RASGRF1: variants seen among roughly 807,000 people sequenced by gnomAD.
RASGRF1 encodes ras-specific guanine nucleotide-releasing factor 1.
RASGRF1 carries 40 observed loss-of-function variants against 138.7 expected under a neutral mutation model. That is an observed-to-expected ratio of 0.29 (90% CI 0.22 to 0.38). The LOEUF (loss-of-function observed/expected upper bound fraction) is 0.38, where lower values mean the gene tolerates loss of function less well. RASGRF1 is among the 10% of genes least tolerant of loss of function. The pLI, the probability that RASGRF1 is intolerant of heterozygous loss-of-function variation, is 1.00. For missense variants in RASGRF1, 1,108 were observed against 1,650.4 expected (o/e 0.67, Z 5.69); for synonymous variants, 614 against 663.2 (o/e 0.93, Z 1.14).
intron 4 of RASGRF1, among the ~76,000 whole-genome samples, chr15:79,048,599 A>G (rs929707282): frequency 6.6e-6 from 1 of 152,200 alleles, no homozygotes; most frequent in Non-Finnish European, 1.5e-5. Context: ...AATGTTAGCT[A>G]TTTCTATTCT....
Position 79,006,063 on chromosome 15 carries a change from C to T in RASGRF1, c.2075+123G>A. On this transcript the variant is annotated intron_variant, in intron 14 of 26. Transcript: ENST00000558480. This position sits in a 1 kb window ranked among gnomAD's most constrained non-coding sequence, Gnocchi z 4.0. ...GTGGCGGTGTGTGTCCCGCAGCACC[C>T]CAACACGTTACTGCTGCTCCTCCAG... 1 of 1,397,786 alleles carries T rather than the reference C, an allele frequency of 7.2e-7. No individual in the cohort carries two copies. The highest frequency in any genetic ancestry group is 9.8e-7 in the Non-Finnish European group (1 of 1,021,060). 86.6% of individuals were successfully genotyped at this position (1,397,786 alleles called of 1,614,324 possible).
At position 79,063,606 on chromosome 15, in the gene RASGRF1, A is replaced by T. The variant is rs749587255; in HGVS notation, c.383+814T>A. Among the ~76,000 whole-genome samples, 343 of 152,330 alleles carry T rather than the reference A, an allele frequency of 2.3e-3. 3 individuals are homozygous for T. The highest frequency in any genetic ancestry group is 3.4e-3 in the Non-Finnish European group (229 of 68,036). On this transcript the variant is annotated intron_variant, in intron 2 of 26. Transcript: ENST00000558480. ...TACTGGGCACTCTGTCTATGCCTTT[A>T]TCAGGCCTTGGTAATGCAAAGAATC... is the stretch of plus-strand genomic sequence containing the variant.
At chr15:79,064,373 C>G (rs746811433) in intron 2 of RASGRF1, 47 bp downstream of exon 2, 1 of 1,566,810 alleles carries the variant, frequency 6.4e-7, no homozygotes, top group African/African-American at 1.4e-5. Context: ...GTCTTTTCTG[C>G]CTGGACTGTG....
At chr15:78,962,376 T>C in intron 26 of RASGRF1, 140 bp from the exon 27 acceptor site, 1 of 607,572 alleles carries the variant, frequency 1.6e-6, no homozygotes, top group South Asian at 2.0e-5. Context: ...ATGCATTCAG[T>C]AGTGTTCCAT....
At chr15:78,999,988 C>A in intron 16 of RASGRF1, 75 bp from the exon 17 acceptor site, 1 of 1,514,292 alleles carries the variant, frequency 6.6e-7, no homozygotes, top group East Asian at 2.3e-5. Context: ...CCAGGGGTCC[C>A]GAGGCTAGAG....
chr15:78,998,027 A>C, intron 19 of RASGRF1, 69 bp downstream of exon 19: 8 of 1,390,174 alleles, frequency 5.8e-6, no homozygotes, highest in Non-Finnish European at 8.2e-6. Flanking sequence ...ACCAGCCCAC[A>C]TGGAGGCAGA....
At chr15:79,000,469 C>G (rs1398456641) in intron 16 of RASGRF1, among the ~76,000 whole-genome samples, 1 of 152,092 alleles carries the variant, frequency 6.6e-6, no homozygotes, top group Non-Finnish European at 1.5e-5. Context: ...TTTCAGTAGT[C>G]TCCTTTGAAT....
intron 26 of RASGRF1, among the ~76,000 whole-genome samples, chr15:78,970,992 G>GC (rs1192486195): frequency 1.3e-5 from 2 of 152,086 alleles, no homozygotes; most frequent in Admixed American, 6.5e-5. Flanking sequence ...TTTCTGGCAG[G>GC]CCTGATGCTA....
chr15:79,046,779 G>A lies in RASGRF1; in HGVS notation c.845C>T (p.Thr282Ile). 1 of 1,614,258 alleles carries A rather than the reference G, an allele frequency of 6.2e-7. No individual in the cohort carries two copies. Among genetic ancestry groups the A allele is most frequent in the South Asian group, 1.1e-5 (1 of 91,092 alleles). Residue 282 changes from threonine to isoleucine, a missense_variant, in exon 5 of 27, where the codon ACA (threonine) becomes ATA (isoleucine). Coordinates refer to ENST00000558480, the MANE Select transcript of RASGRF1 (RefSeq NM_001145648.3). This position sits in a 1 kb window ranked among gnomAD's most constrained non-coding sequence, Gnocchi z 5.3. Reference protein sequence around the residue: ...MAASSKKPPITHDDVSSIFLN... With the variant: ...MAASSKKPPIIHDDVSSIFLN... ...GAAGATGCTGCTGACGTCGTCGTGT[G>A]TGATGGGAGGCTTCTTGGAGCTGGC...
intron 26 of RASGRF1, among the ~76,000 whole-genome samples, chr15:78,968,690 G>T (rs1263158401): frequency 6.6e-6 from 1 of 152,176 alleles, no homozygotes; most frequent in Non-Finnish European, 1.5e-5. Flanking sequence ...ATGCCAGCCT[G>T]CATGTGCCAA....
chr15:78,980,499 G>A (rs946238464), intron 24 of RASGRF1, 121 bp downstream of exon 24: 18 of 714,104 alleles, frequency 2.5e-5, no homozygotes, highest in Non-Finnish European at 3.7e-5. Flanking sequence ...GGTCTTGTGG[G>A]TAGACAGACG....
intron 3 of RASGRF1, 97 bp from the exon 4 acceptor site, chr15:79,049,685 T>G (rs1595938987): frequency 1.0e-6 from 1 of 958,862 alleles, no homozygotes; most frequent in Non-Finnish European, 1.6e-6. Context: ...GGCAGCCGAG[T>G]GCCCTGCCTC....
chr15:79,032,385 G>T lies in RASGRF1; in HGVS notation c.959-69C>A. ...GGGGACAGAATCCCCTAGGCCCTTGGCTCCCCCAGCTACACCCAGAGAGGC... is the reference window on the plus strand; with the variant it reads ...GGGGACAGAATCCCCTAGGCCCTTGTCTCCCCCAGCTACACCCAGAGAGGC... On this transcript the variant is annotated intron_variant, in intron 6 of 26. Transcript: ENST00000558480. The surrounding 1 kb of genome is among the most constrained non-coding windows in gnomAD (Gnocchi z 4.5). 1 of 1,469,682 alleles carries T rather than the reference G, an allele frequency of 6.8e-7. No homozygotes were observed. The allele number at this position is 1,469,682 out of a possible 1,614,324, so 91.0% of individuals were successfully genotyped here.
intron 17 of RASGRF1, among the ~76,000 whole-genome samples, chr15:78,999,171 T>C (rs2056461715): frequency 6.6e-6 from 1 of 152,082 alleles, no homozygotes; most frequent in African/African-American, 2.4e-5. Flanking sequence ...GGATCAAGGA[T>C]GCAGAAGTGG....
chr15:79,038,342 C>CA (rs1344486278), intron 5 of RASGRF1, among the ~76,000 whole-genome samples: 1 of 152,126 alleles, frequency 6.6e-6, no homozygotes, highest in Non-Finnish European at 1.5e-5. Context: ...TGTGTAGCAG[C>CA]ATATCAGGAA....
Position 79,017,841 on chromosome 15 carries a change from G to C in RASGRF1, c.1672C>G (p.Pro558Ala). ...FKIGVEPKDS[P>A]PFTVILVASS... Reference sequence around the variant, plus strand: ...GCCACTAGGATGACTGTAAAGGGCGGGGAATCCTTTGGCTCCACCCCGATT... The same window carrying C: ...GCCACTAGGATGACTGTAAAGGGCGCGGAATCCTTTGGCTCCACCCCGATT... The change falls in exon 12 of 27, where the codon CCG becomes GCG. Residue 558 changes from proline to alanine, a missense_variant. Around this residue, in one of 3 missense-constraint regions of RASGRF1, gnomAD observed 686 missense variants for 976.7 expected, o/e 0.70. Coordinates refer to ENST00000558480, the MANE Select transcript of RASGRF1 (RefSeq NM_001145648.3). The C allele has an allele frequency of 6.2e-7, 1 of 1,613,472 alleles. No individual in the cohort carries two copies. Among genetic ancestry groups the C allele is most frequent in the Non-Finnish European group, 8.5e-7 (1 of 1,179,762 alleles).
At chr15:78,993,001 C>G (rs933476409) in intron 20 of RASGRF1, among the ~76,000 whole-genome samples, 13 of 147,552 alleles carry the variant, frequency 8.8e-5, no homozygotes, top group African/African-American at 3.0e-4. Flanking sequence ...AAAACAGCCT[C>G]TGTGTGTGTG....
At chr15:78,975,625 C>T (rs992181354) in intron 24 of RASGRF1, among the ~76,000 whole-genome samples, 6 of 151,994 alleles carry the variant, frequency 3.9e-5, no homozygotes, top group African/African-American at 1.5e-4. Context: ...GGTCCTCCTG[C>T]CTCAGCCTCC....
intron 21 of RASGRF1, 38 bp downstream of exon 21, chr15:78,991,653 G>A: frequency 2.0e-6 from 3 of 1,538,246 alleles, no homozygotes; most frequent in Non-Finnish European, 2.7e-6. Context: ...CAGTGCCTGA[G>A]GAAGCGGGGG....
Sources: gnomAD v4.1 joint callset for allele counts (sites outside exome capture counted in the v4.1 genomes callset) on GRCh38, gnomAD v4.1.1 for gene constraint, gnomAD v4.1.1 regional missense constraint, Gnocchi (gnomAD v3.1) non-coding constraint, MANE v1.5 for transcripts, NCBI Gene and HGNC (gene_info 2026-07-23, HGNC 2026-07-21) for gene names.